The following RABEP1 variants were observed in gnomAD, a reference collection of about 807,000 sequenced individuals.
RABEP1 encodes rab GTPase-binding effector protein 1.
Under a neutral mutation model 123.4 loss-of-function variants are expected in RABEP1, and 51 were observed. The ratio of observed to expected loss-of-function variants is 0.41; its 90% CI spans 0.33 to 0.52. The LOEUF is 0.52. Among genes scored for constraint, RABEP1 ranks in the 20% least tolerant of loss-of-function variants. The pLI is 0.16. For synonymous variants in RABEP1, 347 were observed against 355.2 expected (o/e 0.98, Z 0.26); for missense variants, 888 against 996.3 (o/e 0.89, Z 1.46).
intron 2 of RABEP1, among the ~76,000 whole-genome samples, chr17:5,324,202 T>C (rs1567522483): frequency 6.6e-6 from 1 of 152,096 alleles, no homozygotes; most frequent in Non-Finnish European, 1.5e-5. Flanking sequence ...AAAGCTATAG[T>C]AACCCAATCA....
chr17:5,372,741 T>C (rs1461416082), intron 12 of RABEP1, among the ~76,000 whole-genome samples: 1 of 150,506 alleles, frequency 6.6e-6, no homozygotes, highest in African/African-American at 2.4e-5. Flanking sequence ...AGTACAGGGA[T>C]ATGGAGGGAA....
chr17:5,289,631 C>T (rs1295922048), intron 1 of RABEP1, among the ~76,000 whole-genome samples: 1 of 151,890 alleles, frequency 6.6e-6, no homozygotes, highest in African/African-American at 2.4e-5. Context: ...TGGAGATCAC[C>T]CACTAAGACA....
intron 5 of RABEP1, 167 bp downstream of exon 5, chr17:5,338,305 T>C (rs1423192031): frequency 1.3e-5 from 11 of 817,122 alleles, no homozygotes; most frequent in Non-Finnish European, 1.9e-5. Flanking sequence ...CTCACGCCTG[T>C]AATCCCAGCA....
At chr17:5,366,592 CTT>C in intron 11 of RABEP1, among the ~76,000 whole-genome samples, 1 of 151,860 alleles carries the variant, frequency 6.6e-6, no homozygotes, top group Non-Finnish European at 1.5e-5. Context: ...ATTACAGGCA[CTT>C]ACCACCACAC....
chr17:5,360,365 A>G (rs1909398446), intron 8 of RABEP1, among the ~76,000 whole-genome samples: 1 of 152,236 alleles, frequency 6.6e-6, no homozygotes, highest in Non-Finnish European at 1.5e-5. Flanking sequence ...GAGCGAGACC[A>G]TCCTGGCCAA....
intron 2 of RABEP1, among the ~76,000 whole-genome samples, chr17:5,330,167 CTT>C (rs1386810313): frequency 6.6e-6 from 1 of 152,160 alleles, no homozygotes; most frequent in Non-Finnish European, 1.5e-5. Flanking sequence ...CACACATAAA[CTT>C]TTCCTTTGTG....
At chr17:5,377,485 T>C (rs1390497195) in intron 14 of RABEP1, among the ~76,000 whole-genome samples, 180 bp downstream of exon 14, 1 of 151,804 alleles carries the variant, frequency 6.6e-6, no homozygotes, top group East Asian at 1.9e-4. Context: ...TATTCTGATA[T>C]AGTCAAATAA....
intron 12 of RABEP1, among the ~76,000 whole-genome samples, chr17:5,372,913 G>C (rs1335806187): frequency 6.6e-6 from 1 of 152,082 alleles, no homozygotes; most frequent in Non-Finnish European, 1.5e-5. Context: ...GCACCCCGCT[G>C]TACCCAGCTA....
At chr17:5,310,996 G>A (rs2075233938) in intron 2 of RABEP1, among the ~76,000 whole-genome samples, 1 of 151,932 alleles carries the variant, frequency 6.6e-6, no homozygotes, top group Non-Finnish European at 1.5e-5. Context: ...TTCTAGTAGA[G>A]ACGGGGTCTC....
intron 1 of RABEP1, among the ~76,000 whole-genome samples, chr17:5,308,358 T>C (rs2075201200): frequency 1.3e-5 from 2 of 152,026 alleles, no homozygotes; most frequent in South Asian, 4.2e-4. Context: ...CCTGAGTAGC[T>C]GGGATTACAG....
At chr17:5,294,793 G>T (rs376067871) in intron 1 of RABEP1, among the ~76,000 whole-genome samples, 1 of 150,392 alleles carries the variant, frequency 6.6e-6, no homozygotes, top group East Asian at 2.0e-4. Context: ...GACTACAGGC[G>T]CCTGCCACCA....
intron 1 of RABEP1, among the ~76,000 whole-genome samples, chr17:5,305,940 A>G (rs910747945): frequency 3.3e-5 from 5 of 152,128 alleles, no homozygotes; most frequent in Non-Finnish European, 5.9e-5. Flanking sequence ...AAAAATTACC[A>G]TTAGTGACAT....
In RABEP1 at chr17:5,288,056, G is replaced by T. The variant is rs374513987; in HGVS notation, c.34+5536G>T. 5.7e-4 allele frequency among the ~76,000 whole-genome samples: 87 copies of T among 152,132 alleles called. 2 individuals carry two copies. The South Asian group carries it at 0.017, about 30-fold the overall frequency. On this transcript the variant is annotated intron_variant, in intron 1 of 17. Coordinates refer to ENST00000537505, the MANE Select transcript of RABEP1 (RefSeq NM_004703.6). ...AGGATTTGCTGACGGATTGAATATG[G>T]GATGCAAAAGAAACTGAGTAGTCAA...
At chr17:5,300,593 T>G (rs1193144247) in intron 1 of RABEP1, among the ~76,000 whole-genome samples, 4 of 152,178 alleles carry the variant, frequency 2.6e-5, no homozygotes, top group African/African-American at 9.7e-5. Flanking sequence ...CCGTATGATG[T>G]TATGAAATCA....
chr17:5,310,107 A>G (rs796414565), intron 2 of RABEP1, among the ~76,000 whole-genome samples: 7 of 152,302 alleles, frequency 4.6e-5, no homozygotes, highest in South Asian at 2.1e-4. Context: ...TGCTAGTTCA[A>G]GTACTACAGT....
intron 11 of RABEP1, among the ~76,000 whole-genome samples, chr17:5,366,849 G>A (rs1029314406): frequency 3.3e-5 from 5 of 151,762 alleles, no homozygotes; most frequent in South Asian, 2.1e-4. Context: ...CAGCACTTTG[G>A]GAGGCCGAGG....
rs917327791 is a variant in RABEP1 at position 5,384,208 on chromosome 17, T to C, written c.*985T>C. 1.9e-5 allele frequency: 4 copies of C among 215,106 alleles called. No homozygotes were observed. The East Asian group carries it at 2.8e-4, about 15-fold the overall frequency. 13.3% of individuals were successfully genotyped at this position (215,106 alleles called of 1,614,324 possible). A position where few individuals can be genotyped will look rare whatever the true frequency, so the allele number is the denominator to read the frequency against. ...AATTCAGACCTGGAATGTAAGTAAG[T>C]GACAATGCTTATGGAAAGCCAGTTA... On this transcript the variant is annotated 3_prime_UTR_variant, in exon 18 of 18. Transcript: ENST00000537505.
chr17:5,339,022 T>G (rs1907341888), intron 5 of RABEP1, among the ~76,000 whole-genome samples: 1 of 151,982 alleles, frequency 6.6e-6, no homozygotes, highest in Admixed American at 6.6e-5. Flanking sequence ...CCAGACACGG[T>G]GGTGCATGCC....
chr17:5,365,421 C>A (rs1909927519), intron 11 of RABEP1, among the ~76,000 whole-genome samples, 183 bp downstream of exon 11: 1 of 152,050 alleles, frequency 6.6e-6, no homozygotes, highest in East Asian at 1.9e-4. Context: ...TAAAGAATAA[C>A]TTTCAAAATA....
Sources: gnomAD v4.1 joint callset for allele counts (sites outside exome capture counted in the v4.1 genomes callset) on GRCh38, gnomAD v4.1.1 for gene constraint, MANE v1.5 for transcripts, NCBI Gene and HGNC (gene_info 2026-07-23, HGNC 2026-07-21) for gene names.